Variants in SCAPER observed in about 807,000 individuals in gnomAD.
SCAPER encodes S-phase cyclin A associated protein in the ER.
Under a neutral mutation model 182.2 loss-of-function variants are expected in SCAPER, and 98 were observed. That is an observed-to-expected ratio of 0.54 (90% CI 0.46 to 0.64). The LOEUF (loss-of-function observed/expected upper bound fraction) is 0.64. Ranked by LOEUF, SCAPER falls within the 30% of genes least tolerant of loss-of-function variation. SCAPER has a pLI of 0.00. For synonymous variants in SCAPER, 605 were observed against 564.6 expected (o/e 1.07, Z -1.01); for missense variants, 1,432 against 1,690.0 (o/e 0.85, Z 2.68).
chr15:76,392,143 TG>T (rs2043738003), intron 27 of SCAPER, among the ~76,000 whole-genome samples: 1 of 152,210 alleles, frequency 6.6e-6, no homozygotes, highest in South Asian at 2.1e-4. Flanking sequence ...ATGTCTATCA[TG>T]GCCTTGTTAT....
chr15:76,766,834 T>C (rs2063146950), intron 11 of SCAPER, 84 bp downstream of exon 11: 1 of 1,066,772 alleles, frequency 9.4e-7, no homozygotes. Context: ...TAGGACTAGA[T>C]GGACTCCAAG....
chr15:76,621,910 C>T lies in SCAPER; in HGVS notation c.2646-81G>A, dbSNP rs1055330224. 7 of 988,918 alleles carry T rather than the reference C, an allele frequency of 7.1e-6. No homozygotes were observed. In the African/African-American group the frequency reaches 1.1e-4, roughly 16 times the overall value. 61.3% of individuals were successfully genotyped at this position (988,918 alleles called of 1,614,324 possible). A position where few individuals can be genotyped will look rare whatever the true frequency, so the allele number is the denominator to read the frequency against. ...CCAAAATGTTGGCTGTATTTTTCCC[C>T]TATTAAATATAACACTAAGCCTATT... is the stretch of plus-strand genomic sequence containing the variant. On this transcript the variant is annotated intron_variant, in intron 21 of 31. Transcript: ENST00000563290.
chr15:76,780,206 T>G (rs1408084421), intron 8 of SCAPER, among the ~76,000 whole-genome samples: 1 of 152,244 alleles, frequency 6.6e-6, no homozygotes, highest in East Asian at 1.9e-4. Context: ...TCTTAGCAAC[T>G]GGAAGACCAG....
At position 76,545,838 on chromosome 15, in the gene SCAPER, A is replaced by T. The variant is rs182820841; in HGVS notation, c.2838+28320T>A. On this transcript the variant is annotated intron_variant, in intron 23 of 31. Coordinates refer to ENST00000563290, the MANE Select transcript of SCAPER (RefSeq NM_020843.4). ...GCAACACAGAGAAATTAACTATAGA[A>T]ATTTGCCTGGAATTCTATTTAACTC... is the stretch of plus-strand genomic sequence containing the variant. Among the ~76,000 whole-genome samples, 12 of 152,182 alleles carry T rather than the reference A, an allele frequency of 7.9e-5. No individual in the cohort carries two copies. In the East Asian group the frequency reaches 2.3e-3, roughly 29 times the overall value.
At chr15:76,890,024 T>G (rs967480523) in intron 1 of SCAPER, among the ~76,000 whole-genome samples, 2 of 152,118 alleles carry the variant, frequency 1.3e-5, no homozygotes, top group Non-Finnish European at 2.9e-5. Flanking sequence ...CACTCAAAAC[T>G]GCACAACTAC....
At chr15:76,869,460 T>C (rs577627621) in intron 2 of SCAPER, among the ~76,000 whole-genome samples, 17 of 152,128 alleles carry the variant, frequency 1.1e-4, no homozygotes, top group Admixed American at 3.9e-4. Flanking sequence ...AAGATCTAAA[T>C]AGACATTTCT....
chr15:76,425,860 G>GC (rs1701770753), intron 26 of SCAPER, among the ~76,000 whole-genome samples: 1 of 152,190 alleles, frequency 6.6e-6, no homozygotes, highest in Non-Finnish European at 1.5e-5. Flanking sequence ...CAGGTCTGTT[G>GC]GAGTTTCCTC....
chr15:76,517,053 C>A (rs1223260893), intron 23 of SCAPER, among the ~76,000 whole-genome samples: 2 of 152,040 alleles, frequency 1.3e-5, no homozygotes, highest in Non-Finnish European at 2.9e-5. Flanking sequence ...GAGCTGGGGA[C>A]TGAGTCTAGG....
intron 24 of SCAPER, among the ~76,000 whole-genome samples, chr15:76,477,682 C>T (rs2050766708): frequency 6.6e-6 from 1 of 152,044 alleles, no homozygotes; most frequent in African/African-American, 2.4e-5. Flanking sequence ...CAAATATTTA[C>T]CAATTTGACA....
intron 22 of SCAPER, among the ~76,000 whole-genome samples, chr15:76,614,264 G>C (rs1259982140): frequency 6.6e-6 from 1 of 152,134 alleles, no homozygotes; most frequent in African/African-American, 2.4e-5. Context: ...AGGGTGGGAG[G>C]AGGGAGAAGA....
At chr15:76,549,577 TCA>T (rs2045582357) in intron 23 of SCAPER, among the ~76,000 whole-genome samples, 1 of 151,810 alleles carries the variant, frequency 6.6e-6, no homozygotes, top group South Asian at 2.1e-4. Flanking sequence ...AAGGGGAACA[TCA>T]CACTCTGGGG....
At chr15:76,780,983 C>CA (rs2064090704) in intron 8 of SCAPER, among the ~76,000 whole-genome samples, 1 of 152,124 alleles carries the variant, frequency 6.6e-6, no homozygotes, top group Non-Finnish European at 1.5e-5. Context: ...TCTTCTCCTC[C>CA]AAAGGATCAC....
intron 20 of SCAPER, among the ~76,000 whole-genome samples, chr15:76,673,405 T>A (rs2057162419): frequency 6.6e-6 from 1 of 152,126 alleles, no homozygotes; most frequent in African/African-American, 2.4e-5. Flanking sequence ...GGAAAACATA[T>A]GAAAAGAAAT....
intron 20 of SCAPER, among the ~76,000 whole-genome samples, chr15:76,689,701 A>C (rs1293028055): frequency 1.3e-5 from 2 of 151,940 alleles, no homozygotes; most frequent in Non-Finnish European, 2.9e-5. Context: ...CAAAAAAAAA[A>C]ACAGAGCTCC....
intron 26 of SCAPER, among the ~76,000 whole-genome samples, chr15:76,421,526 T>C (rs1386634590): frequency 6.6e-6 from 1 of 152,196 alleles, no homozygotes; most frequent in African/African-American, 2.4e-5. Context: ...TATTAGCCCT[T>C]TGTCAGATGA....
intron 28 of SCAPER, among the ~76,000 whole-genome samples, chr15:76,378,139 G>A (rs746292351): frequency 6.6e-6 from 1 of 152,188 alleles, no homozygotes. Context: ...CCAGATTCAG[G>A]GGTCTAATGA....
At chr15:76,687,652 C>T (rs1184225252) in intron 20 of SCAPER, among the ~76,000 whole-genome samples, 1 of 152,114 alleles carries the variant, frequency 6.6e-6, no homozygotes, top group Non-Finnish European at 1.5e-5. Flanking sequence ...CAGGTGTTCT[C>T]GTTGTTCAGC....
intron 21 of SCAPER, among the ~76,000 whole-genome samples, chr15:76,652,712 A>G (rs1019811324): frequency 4.9e-5 from 7 of 141,566 alleles, no homozygotes; most frequent in African/African-American, 1.7e-4. Context: ...TTCTGTCTCA[A>G]AAAATAATAA....
rs1408532996 is a variant in SCAPER, at chr15:76,853,124, CCAGGAACAAA to C, written c.195+4675_195+4684del. Among the ~76,000 whole-genome samples, 8 of 152,218 alleles carry C rather than the reference CCAGGAACAAA, an allele frequency of 5.3e-5. No homozygotes were observed. The East Asian group carries it at 1.4e-3, about 26-fold the overall frequency. On this transcript the variant is annotated intron_variant, in intron 4 of 31. Transcript: ENST00000563290. ...ACACATACTCCCTCCCAAGACTGAA[CCAGGAACAAA>C]CTGATTCTCTAAATGGACCAACAAT...
Sources: allele counts gnomAD v4.1 joint callset (sites outside exome capture counted in the v4.1 genomes callset), GRCh38; gene constraint gnomAD v4.1.1; transcripts MANE v1.5; gene names NCBI Gene and HGNC (gene_info 2026-07-23, HGNC 2026-07-21).